CENPP: variants seen among roughly 807,000 people sequenced by gnomAD.
CENPP encodes the protein centromere protein P.
A neutral mutation model predicts 35.6 loss-of-function variants in CENPP; 24 were observed. The observed-to-expected ratio is 0.67, with a 90% CI of 0.49 to 0.95. The LOEUF is 0.95. CENPP is among the 40% of genes least tolerant of loss of function. The probability of loss-of-function intolerance (pLI) is 0.00; values close to 1 mark genes in which losing one functional copy is unlikely to be tolerated. For synonymous variants in CENPP, 120 were observed against 125.5 expected (o/e 0.96, Z 0.29); for missense variants, 332 against 345.3 (o/e 0.96, Z 0.31).
Position 92,526,468 on chromosome 9 carries a change from CA to C in CENPP, c.565-84845del, listed in dbSNP as rs1848416924. Among the ~76,000 whole-genome samples, 2 of 151,930 alleles carry C rather than the reference CA, an allele frequency of 1.3e-5. 1 individual carries two copies. Among genetic ancestry groups the C allele is most frequent in the Non-Finnish European group, 2.9e-5 (2 of 67,978 alleles). On this transcript the variant is annotated intron_variant, in intron 5 of 7. Transcript: ENST00000375587. Reference sequence around the variant, plus strand: ...GGAAGTTTACAGCAATAAACACCTACATCAACAAGTAGAAAAACTTCATATA... The same window carrying C: ...GGAAGTTTACAGCAATAAACACCTACTCAACAAGTAGAAAAACTTCATATA...
Position 92,326,110 on chromosome 9 carries a change from G to T in CENPP, c.107+5G>T, listed in dbSNP as rs1158844091. On this transcript the variant is annotated splice_donor_5th_base_variant and intron_variant, in intron 1 of 7. Coordinates refer to ENST00000375587, the MANE Select transcript of CENPP (RefSeq NM_001012267.3). Reference sequence around the variant, plus strand: ...GGAAGAGAAGTCCCGAGTCCAGTACGTGACCACCCCAAGTCCCCCAGGGCC... The same window carrying T: ...GGAAGAGAAGTCCCGAGTCCAGTACTTGACCACCCCAAGTCCCCCAGGGCC... 3.3e-6 allele frequency: 5 copies of T among 1,526,364 alleles called. No homozygotes were observed. The South Asian group carries it at 6.0e-5, about 18-fold the overall frequency. 94.6% of individuals were successfully genotyped at this position (1,526,364 alleles called of 1,614,324 possible). A position where few individuals can be genotyped will look rare whatever the true frequency, so the allele number is the denominator to read the frequency against.
At position 92,616,704 on chromosome 9, in the gene CENPP, T is replaced by A. The variant is rs1040912132; in HGVS notation, c.*3555T>A. The A allele has an allele frequency of 6.6e-6, 1 of 152,504 alleles. No homozygotes were observed. The highest frequency in any genetic ancestry group is 1.5e-5 in the Non-Finnish European group (1 of 68,310). The allele number at this position is 152,504 out of a possible 1,614,324, so 9.4% of individuals were successfully genotyped here. ...TTTAACCTCAGAAGTCGTGTGCTTA[T>A]AACAAGATGTGATTAATTATTTGCC... On this transcript the variant is annotated 3_prime_UTR_variant, in exon 8 of 8. Transcript: ENST00000375587.
chr9:92,543,800 C>T (rs10125450), intron 5 of CENPP, among the ~76,000 whole-genome samples: 63,513 of 151,904 alleles, frequency 0.42, 15,454 homozygotes, highest in African/African-American at 0.67. Context: ...TTTGTTATTA[C>T]GTATCTATTG....
In CENPP at chr9:92,567,436, G is replaced by A. The variant is rs184071206; in HGVS notation, c.565-43878G>A. 2.5e-3 allele frequency among the ~76,000 whole-genome samples: 338 copies of A among 135,952 alleles called. 1 individual carries two copies. Among genetic ancestry groups the A allele is most frequent in the Middle Eastern group, 0.012 (3 of 250 alleles). 89.2% of individuals were successfully genotyped at this position (135,952 alleles called of 152,430 possible). ...GTGGTTAGTGATTAGATTAATTAGC[G>A]TATCCATCATCTCAAACATTTATCA... On this transcript the variant is annotated intron_variant, in intron 5 of 7. Coordinates refer to ENST00000375587, the MANE Select transcript of CENPP (RefSeq NM_001012267.3).
At chr9:92,500,636 A>T in intron 5 of CENPP, 1 of 1,323,952 alleles carries the variant, frequency 7.6e-7, no homozygotes, top group African/African-American at 1.5e-5. Flanking sequence ...TTTTTCCCTT[A>T]ACGTAAATCC....
chr9:92,516,984 A>G (rs940199783), intron 5 of CENPP: 2 of 152,054 alleles, frequency 1.3e-5, no homozygotes, highest in African/African-American at 4.8e-5. Flanking sequence ...TTATTTGCTT[A>G]TTTTCATAAG....
intron 4 of CENPP, among the ~76,000 whole-genome samples, chr9:92,351,099 C>G (rs186637950): frequency 7.0e-4 from 106 of 152,284 alleles, no homozygotes; most frequent in South Asian, 1.5e-3. Flanking sequence ...TCTACCAACT[C>G]AACCATGTTA....
At chr9:92,440,127 A>G (rs1844349251) in intron 5 of CENPP, among the ~76,000 whole-genome samples, 1 of 152,158 alleles carries the variant, frequency 6.6e-6, no homozygotes, top group African/African-American at 2.4e-5. Context: ...CCCTGTGTGC[A>G]ACATATCCAC....
At chr9:92,572,679 A>G (rs1470742012) in intron 5 of CENPP, among the ~76,000 whole-genome samples, 2 of 152,132 alleles carry the variant, frequency 1.3e-5, no homozygotes, top group African/African-American at 2.4e-5. Flanking sequence ...TATCCTGCAG[A>G]GTGTTTTCCA....
At chr9:92,455,536 G>C (rs1844848453) in intron 5 of CENPP, among the ~76,000 whole-genome samples, 1 of 152,006 alleles carries the variant, frequency 6.6e-6, no homozygotes, top group Non-Finnish European at 1.5e-5. Flanking sequence ...AATGTCAAGG[G>C]AGCCAAAGTT....
intron 5 of CENPP, among the ~76,000 whole-genome samples, chr9:92,563,004 T>C (rs1411241081): frequency 3.3e-5 from 5 of 152,330 alleles, no homozygotes; most frequent in Non-Finnish European, 5.9e-5. Flanking sequence ...GAAAAATTAA[T>C]ATTAGCTGTT....
intron 5 of CENPP, among the ~76,000 whole-genome samples, chr9:92,489,101 T>G (rs1201681374): frequency 6.6e-6 from 1 of 152,238 alleles, no homozygotes; most frequent in Non-Finnish European, 1.5e-5. Flanking sequence ...AATAACAGTA[T>G]GTGACAGACT....
chr9:92,577,588 T>G (rs1850314586), intron 5 of CENPP, among the ~76,000 whole-genome samples: 3 of 152,052 alleles, frequency 2.0e-5, no homozygotes, highest in African/African-American at 4.8e-5. Flanking sequence ...AAAATAAGCT[T>G]TCTTGTTTAG....
At chr9:92,394,558 A>G (rs1842816282) in intron 5 of CENPP, among the ~76,000 whole-genome samples, 1 of 148,334 alleles carries the variant, frequency 6.7e-6, no homozygotes. Context: ...ACCTATTTTG[A>G]TATATTTTAA....
intron 5 of CENPP, chr9:92,474,896 A>C (rs1434893649): frequency 6.2e-7 from 1 of 1,610,416 alleles, no homozygotes; most frequent in African/African-American, 1.3e-5. Context: ...ATACTCCTTC[A>C]TGGTGTCTTA....
In CENPP at chr9:92,390,107, T is replaced by A. The variant is rs1024882268; in HGVS notation, c.564+10248T>A. On this transcript the variant is annotated intron_variant, in intron 5 of 7. Transcript: ENST00000375587. Reference sequence around the variant, plus strand: ...AACTACGTAAGTAAAATTCTTATTGTATGGACTGAAGAAAAGCATTTGTTT... The same window carrying A: ...AACTACGTAAGTAAAATTCTTATTGAATGGACTGAAGAAAAGCATTTGTTT... 12 of 1,054,442 alleles carry A rather than the reference T, an allele frequency of 1.1e-5. No individual in the cohort carries two copies. The African/African-American group carries it at 1.8e-4, about 15-fold the overall frequency. 65.3% of individuals were successfully genotyped at this position (1,054,442 alleles called of 1,614,324 possible). A position where few individuals can be genotyped will look rare whatever the true frequency, so the allele number is the denominator to read the frequency against.
chr9:92,469,710 CCAGAG>C (rs1458204042), intron 5 of CENPP, among the ~76,000 whole-genome samples: 2 of 152,144 alleles, frequency 1.3e-5, no homozygotes, highest in Admixed American at 1.3e-4. Context: ...TGATACAGAA[CCAGAG>C]CTCTTCCTCT....
intron 5 of CENPP, among the ~76,000 whole-genome samples, chr9:92,459,297 C>T (rs1194789766): frequency 6.6e-6 from 1 of 152,266 alleles, no homozygotes; most frequent in African/African-American, 2.4e-5. Context: ...CGTGACACTG[C>T]TCCATGTCCT....
Position 92,431,144 on chromosome 9 carries a change from T to C in CENPP, c.564+51285T>C, listed in dbSNP as rs193033584. Among the ~76,000 whole-genome samples, 326 of 152,266 alleles carry C rather than the reference T, an allele frequency of 2.1e-3. 1 individual carries two copies. Among genetic ancestry groups the C allele is most frequent in the African/African-American group, 7.2e-3 (298 of 41,562 alleles). On this transcript the variant is annotated intron_variant, in intron 5 of 7. Coordinates refer to ENST00000375587, the MANE Select transcript of CENPP (RefSeq NM_001012267.3). ...AATTTTTTTGCATTTGAAAATCTGG[T>C]GTTTAGTGTTTACAGTGCTTGTTAA...
Sources: allele counts gnomAD v4.1 joint callset (sites outside exome capture counted in the v4.1 genomes callset), GRCh38; gene constraint gnomAD v4.1.1; transcripts MANE v1.5; gene names NCBI Gene and HGNC (gene_info 2026-07-23, HGNC 2026-07-21).